Variants in PCGF2 observed in about 807,000 individuals in gnomAD.
PCGF2 encodes polycomb group ring finger 2, also known as polycomb group RING finger protein 2.
Under a neutral mutation model 36.1 loss-of-function variants are expected in PCGF2, and 8 were observed. That is an observed-to-expected ratio of 0.22 (90% CI 0.13 to 0.40). The LOEUF is 0.40. Ranked by LOEUF, PCGF2 falls within the 10% of genes least tolerant of loss-of-function variation. The pLI is 1.00. For synonymous variants in PCGF2, 198 were observed against 191.2 expected (o/e 1.04, Z -0.29); for missense variants, 436 against 475.9 (o/e 0.92, Z 0.78).
intron 2 of PCGF2, among the ~76,000 whole-genome samples, chr17:38,747,086 G>A (rs950739506): frequency 1.3e-5 from 2 of 152,098 alleles, no homozygotes; most frequent in African/African-American, 4.8e-5. Flanking sequence ...CAAAGATCTC[G>A]GGAAGCGCTG....
chr17:38,745,159 C>T (rs961474934), intron 2 of PCGF2, among the ~76,000 whole-genome samples: 4 of 152,154 alleles, frequency 2.6e-5, no homozygotes, highest in South Asian at 2.1e-4. Flanking sequence ...GGTGAAACCC[C>T]GTCTCTACTA....
intron 10 of PCGF2, 56 bp downstream of exon 10, chr17:38,736,034 A>G: frequency 8.5e-7 from 1 of 1,183,194 alleles, no homozygotes. Flanking sequence ...GTGGCCACAG[A>G]CCTATGCCAG....
intron 9 of PCGF2, among the ~76,000 whole-genome samples, chr17:38,738,030 G>A (rs533069792): frequency 6.6e-6 from 1 of 152,108 alleles, no homozygotes; most frequent in Admixed American, 6.5e-5. Context: ...CTGGAGCTCC[G>A]TTGGAATTTC....
chr17:38,745,599 G>A (rs962774521), intron 2 of PCGF2, among the ~76,000 whole-genome samples: 3 of 152,258 alleles, frequency 2.0e-5, no homozygotes, highest in African/African-American at 7.2e-5. Context: ...AGGTCACAAA[G>A]CAAAGCAGTG....
rs1387812792 is a variant in PCGF2, at chr17:38,739,806, A to G, written c.113-124T>C. 11 of 727,648 alleles carry G rather than the reference A, an allele frequency of 1.5e-5. No homozygotes were observed. Among genetic ancestry groups the G allele is most frequent in the Non-Finnish European group, 1.5e-5 (6 of 402,416 alleles). 45.1% of individuals were successfully genotyped at this position (727,648 alleles called of 1,614,324 possible). On this transcript the variant is annotated intron_variant, in intron 3 of 10. Transcript: ENST00000620225. This position sits in a 1 kb window ranked among gnomAD's most constrained non-coding sequence, Gnocchi z 4.0. ...CACCCTGTCCCTGCTCCGAGGCCCA[A>G]TGTGGCGATGTGTGTTCTGCACGTG...
In PCGF2 at chr17:38,739,059, C is replaced by A. The variant is rs768663393; in HGVS notation, c.316+9G>T. On this transcript the variant is annotated intron_variant, in intron 6 of 10. Transcript: ENST00000620225. The surrounding 1 kb of genome is among the most constrained non-coding windows in gnomAD (Gnocchi z 4.0). Reference sequence around the variant, plus strand: ...CTGTGCACACACAAACAGACGCGAGCACACTCACCCTCCGTCAGGGGGTAC... The same window carrying A: ...CTGTGCACACACAAACAGACGCGAGAACACTCACCCTCCGTCAGGGGGTAC... The A allele has an allele frequency of 1.1e-5, 18 of 1,612,484 alleles. No homozygotes were observed. The highest frequency in any genetic ancestry group is 1.5e-5 in the Non-Finnish European group (18 of 1,179,862).
chr17:38,735,107 C>T lies in PCGF2; in HGVS notation c.*116G>A. 1 of 743,028 alleles carries T rather than the reference C, an allele frequency of 1.3e-6. No individual in the cohort carries two copies. Among genetic ancestry groups the T allele is most frequent in the Non-Finnish European group, 1.9e-6 (1 of 518,186 alleles). 46.0% of individuals were successfully genotyped at this position (743,028 alleles called of 1,614,324 possible). A position where few individuals can be genotyped will look rare whatever the true frequency, so the allele number is the denominator to read the frequency against. ...TATATATATTTATTTATAAAACCCG[C>T]CCCCCACCCCCAAGGTGGGAAGAGC... On this transcript the variant is annotated 3_prime_UTR_variant, in exon 11 of 11. Coordinates refer to ENST00000620225, the MANE Select transcript of PCGF2 (RefSeq NM_007144.3).
intron 2 of PCGF2, among the ~76,000 whole-genome samples, chr17:38,741,577 G>A (rs1315251614): frequency 6.6e-6 from 1 of 152,114 alleles, no homozygotes; most frequent in Non-Finnish European, 1.5e-5. Flanking sequence ...TTAGAAGGCC[G>A]CAGCCATCAC....
At chr17:38,748,668 A>G (rs987191364), upstream of PCGF2, among the ~76,000 whole-genome samples, 8 of 151,432 alleles carry the variant, frequency 5.3e-5, no homozygotes, top group African/African-American at 1.9e-4. Flanking sequence ...GGTTCCCCCC[A>G]CTGACACTGT....
At chr17:38,740,158 G>C in intron 3 of PCGF2, 133 bp downstream of exon 3, 1 of 745,316 alleles carries the variant, frequency 1.3e-6, no homozygotes, top group South Asian at 1.8e-5. Flanking sequence ...GTGACCTAAG[G>C]ATTCCCAGCA....
At chr17:38,736,780 G>A (rs963434427) in intron 9 of PCGF2, among the ~76,000 whole-genome samples, 60 of 152,292 alleles carry the variant, frequency 3.9e-4, no homozygotes, top group Admixed American at 3.8e-3. Flanking sequence ...CTTGCAGTGA[G>A]CGGAGATAGT....
chr17:38,742,262 C>A (rs545106346), intron 2 of PCGF2, among the ~76,000 whole-genome samples: 18 of 152,336 alleles, frequency 1.2e-4, no homozygotes, highest in African/African-American at 4.1e-4. Context: ...CAAGCCCCAA[C>A]AGCTCCTTTA....
At chr17:38,743,507 T>C (rs940260862) in intron 2 of PCGF2, among the ~76,000 whole-genome samples, 3 of 152,170 alleles carry the variant, frequency 2.0e-5, no homozygotes, top group African/African-American at 7.2e-5. Context: ...CCTGTTCCTC[T>C]GGACCCTTTC....
At chr17:38,749,470 C>A (rs1290493140), upstream of PCGF2, 1 of 366,900 alleles carries the variant, frequency 2.7e-6, no homozygotes, top group Admixed American at 2.9e-5. This position sits in a 1 kb window ranked among gnomAD's most constrained non-coding sequence, Gnocchi z 6.5. Context: ...GGAAGCGAAT[C>A]GATACTGCGT....
In PCGF2 at chr17:38,738,590, C is replaced by T. The variant is rs773410790; in HGVS notation, c.431G>A (p.Arg144Gln). ...CTCCAGGGGGCCCTTCTTCTCGTCC[C>T]GGTCCCTGGGGACGGAGAAAGAATG... ...SIEFYEGARD[R>Q]DEKKGPLENG... Residue 144 changes from arginine (R) to glutamine (Q), a missense_variant, in exon 8 of 11, where the codon CGG (arginine) becomes CAG (glutamine). Arg to Gln is a conservative substitution (Grantham distance 43). Coordinates refer to ENST00000620225, the MANE Select transcript of PCGF2 (RefSeq NM_007144.3). The T allele has an allele frequency of 2.5e-5, 40 of 1,572,950 alleles. No individual in the cohort carries two copies. Among genetic ancestry groups the T allele is most frequent in the Admixed American group, 1.8e-4 (10 of 54,848 alleles).
At chr17:38,742,639 C>T (rs1385832454) in intron 2 of PCGF2, among the ~76,000 whole-genome samples, 1 of 152,214 alleles carries the variant, frequency 6.6e-6, no homozygotes, top group Non-Finnish European at 1.5e-5. Context: ...ATGGGTCCCC[C>T]CTTTGCAATT....
chr17:38,740,211 C>G lies in PCGF2; in HGVS notation c.112+80G>C, dbSNP rs116904582. Reference sequence around the variant, plus strand: ...GCTCTTTAGGGCAAGGGTTTGCGTGCTACCTTCCTCAGGCCGTGCCCGCCC... The same window carrying G: ...GCTCTTTAGGGCAAGGGTTTGCGTGGTACCTTCCTCAGGCCGTGCCCGCCC... On this transcript the variant is annotated intron_variant, in intron 3 of 10. Coordinates refer to ENST00000620225, the MANE Select transcript of PCGF2 (RefSeq NM_007144.3). 11,300 of 1,289,958 alleles carry G rather than the reference C, an allele frequency of 8.8e-3. 198 individuals carry two copies. The highest frequency in any genetic ancestry group is 0.063 in the Admixed American group (3,413 of 53,788). 79.9% of individuals were successfully genotyped at this position (1,289,958 alleles called of 1,614,324 possible).
At chr17:38,736,841 A>C (rs1235859889) in intron 9 of PCGF2, among the ~76,000 whole-genome samples, 3 of 150,756 alleles carry the variant, frequency 2.0e-5, no homozygotes, top group South Asian at 4.2e-4. Flanking sequence ...CTCAAAAAAA[A>C]CAAAACAAAA....
In PCGF2 at chr17:38,740,348, C is replaced by T; in HGVS notation, c.55G>A (p.Ala19Thr). Residue 19 changes from alanine to threonine, a missense_variant, in exon 3 of 11, where the codon GCC becomes ACC. By Grantham distance (58) the Ala-to-Thr change is moderately conservative. Coordinates refer to ENST00000620225, the MANE Select transcript of PCGF2 (RefSeq NM_007144.3). Reference protein sequence around the residue: ...ITELNPHLMCALCGGYFIDAT... With the variant: ...ITELNPHLMCTLCGGYFIDAT... ...TCGATGAAGTACCCCCCGCAGAGGGCACACATGAGGTGGGGGTTCAGCTCT... is the reference window on the plus strand; with the variant it reads ...TCGATGAAGTACCCCCCGCAGAGGGTACACATGAGGTGGGGGTTCAGCTCT... 6.2e-7 allele frequency: 1 copy of T among 1,610,554 alleles called. No homozygotes were observed. Among genetic ancestry groups the T allele is most frequent in the Non-Finnish European group, 8.5e-7 (1 of 1,178,186 alleles).
Sources: allele counts gnomAD v4.1 joint callset (sites outside exome capture counted in the v4.1 genomes callset), GRCh38; gene constraint gnomAD v4.1.1; non-coding constraint Gnocchi (gnomAD v3.1); transcripts MANE v1.5; gene names NCBI Gene and HGNC (gene_info 2026-07-23, HGNC 2026-07-21).